SLIT2: variants seen among roughly 807,000 people sequenced by gnomAD.
The protein encoded by SLIT2 is slit guidance ligand 2, also known as slit homolog 2 protein.
SLIT2 carries 41 observed loss-of-function variants against 185.7 expected under a neutral mutation model. The ratio of observed to expected loss-of-function variants is 0.22; its 90% CI spans 0.17 to 0.29. The LOEUF (loss-of-function observed/expected upper bound fraction) is 0.29, where lower values mean the gene tolerates loss of function less well. Ranked by LOEUF, SLIT2 falls within the 10% of genes least tolerant of loss-of-function variation. SLIT2 has a pLI of 1.00. For missense variants in SLIT2, 1,571 were observed against 1,909.0 expected, an observed-to-expected ratio of 0.82 and a Z score of 3.30; for synonymous variants, 693 against 680.2, an observed-to-expected ratio of 1.02 and a Z score of -0.29.
intron 4 of SLIT2, among the ~76,000 whole-genome samples, chr4:20,415,206 C>T (rs1277698260): frequency 9.2e-5 from 14 of 151,942 alleles, no homozygotes. Flanking sequence ...GGTCAGGAGA[C>T]AGAGACCATC....
chr4:20,617,686 C>T (rs745627462), intron 36 of SLIT2, 36 bp downstream of exon 36: 3 of 1,283,126 alleles, frequency 2.3e-6, no homozygotes, highest in Non-Finnish European at 3.2e-6. Flanking sequence ...ATTCTCTTGG[C>T]AAAGCAAGAG....
intron 3 of SLIT2, among the ~76,000 whole-genome samples, chr4:20,259,094 C>G (rs532697290): frequency 6.6e-6 from 1 of 151,498 alleles, no homozygotes; most frequent in African/African-American, 2.4e-5. Context: ...TATTACAATA[C>G]AAGGACTATA....
chr4:20,556,482 C>A (rs1173845218), intron 26 of SLIT2, among the ~76,000 whole-genome samples: 1 of 151,948 alleles, frequency 6.6e-6, no homozygotes, highest in African/African-American at 2.4e-5. Context: ...TAACACAAAT[C>A]TGAAAAAAGT....
intron 4 of SLIT2, among the ~76,000 whole-genome samples, chr4:20,387,412 A>C (rs1577553205): frequency 1.3e-5 from 2 of 150,252 alleles, no homozygotes; most frequent in African/African-American, 2.4e-5. Context: ...TCAAAAAAAA[A>C]CAGTGAAAAG....
At chr4:20,615,202 G>A (rs537334521) in intron 34 of SLIT2, 2 of 152,162 alleles carry the variant, frequency 1.3e-5, no homozygotes, top group African/African-American at 4.8e-5. Flanking sequence ...CTTACCCCAG[G>A]GCAAGGAATT....
At chr4:20,439,021 G>A (rs1271925664) in intron 4 of SLIT2, among the ~76,000 whole-genome samples, 1 of 152,014 alleles carries the variant, frequency 6.6e-6, no homozygotes, top group East Asian at 1.9e-4. Flanking sequence ...TAGAATGTTA[G>A]CTCTGTAAGG....
At chr4:20,326,139 A>G (rs193198599) in intron 4 of SLIT2, among the ~76,000 whole-genome samples, 2 of 152,206 alleles carry the variant, frequency 1.3e-5, no homozygotes, top group African/African-American at 4.8e-5. Flanking sequence ...AGTGAACTGC[A>G]TATTCTGACA....
At chr4:20,530,616 A>AATTATAGTGGAAACTAGCCTCC (rs1721714193) in intron 16 of SLIT2, among the ~76,000 whole-genome samples, 1 of 152,178 alleles carries the variant, frequency 6.6e-6, no homozygotes, top group Non-Finnish European at 1.5e-5. Context: ...GTCATGGAGG[A>AATTATAGTGGAAACTAGCCTCC]ATTATAGTGG....
intron 30 of SLIT2, among the ~76,000 whole-genome samples, chr4:20,590,414 T>C (rs1483774501): frequency 6.6e-6 from 1 of 152,186 alleles, no homozygotes; most frequent in African/African-American, 2.4e-5. Context: ...AATTTGACTT[T>C]AATGTAATTG....
At chr4:20,417,448 A>ATATATATATATATATATATATATATG (rs1727779503) in intron 4 of SLIT2, among the ~76,000 whole-genome samples, 2 of 146,110 alleles carry the variant, frequency 1.4e-5, no homozygotes, top group Non-Finnish European at 3.0e-5. Flanking sequence ...ATATATATAT[A>ATATATATATATATATATATATATATG]TATATATATA....
At chr4:20,557,152 T>C (rs933924447) in intron 26 of SLIT2, among the ~76,000 whole-genome samples, 2 of 152,100 alleles carry the variant, frequency 1.3e-5, no homozygotes, top group African/African-American at 4.8e-5. Flanking sequence ...CAAGTACTGA[T>C]GTAGAAGCTA....
At chr4:20,349,672 G>A (rs1721709778) in intron 4 of SLIT2, among the ~76,000 whole-genome samples, 1 of 152,132 alleles carries the variant, frequency 6.6e-6, no homozygotes, top group Non-Finnish European at 1.5e-5. Context: ...TTGCTTTTGT[G>A]CACAGATTGA....
rs907727293 is a variant in SLIT2 at position 20,528,619 on chromosome 4, GA to G, written c.1463-322del. On this transcript the variant is annotated intron_variant, in intron 15 of 36. Coordinates refer to ENST00000504154, the MANE Select transcript of SLIT2 (RefSeq NM_004787.4). The surrounding 1 kb of genome is among the most constrained non-coding windows in gnomAD (Gnocchi z 4.2). ...ATATATTTTCAATTCTTGACTCCGA[GA>G]AAAAAAATAAACTTTTTAATAATTA... Among the ~76,000 whole-genome samples the G allele has an allele frequency of 6.6e-6, 1 of 151,658 alleles. No homozygotes were observed. The highest frequency in any genetic ancestry group is 1.5e-5 in the Non-Finnish European group (1 of 67,928).
At chr4:20,487,088 A>C (rs925924209) in intron 7 of SLIT2, among the ~76,000 whole-genome samples, 1 of 152,154 alleles carries the variant, frequency 6.6e-6, no homozygotes, top group Non-Finnish European at 1.5e-5. Flanking sequence ...ACTGGAAAAT[A>C]TTAATTTTAT....
intron 4 of SLIT2, among the ~76,000 whole-genome samples, chr4:20,396,200 A>G (rs771885914): frequency 7.2e-5 from 11 of 151,918 alleles, no homozygotes; most frequent in Non-Finnish European, 1.5e-4. Context: ...GTCTGCATAT[A>G]AATGTATGTG....
intron 4 of SLIT2, among the ~76,000 whole-genome samples, chr4:20,287,493 T>A (rs1156631614): frequency 6.6e-5 from 10 of 152,222 alleles, no homozygotes; most frequent in Non-Finnish European, 1.5e-4. Context: ...AGGAATGTTC[T>A]AACAGGGTTC....
At chr4:20,284,435 G>A (rs1262602196) in intron 4 of SLIT2, among the ~76,000 whole-genome samples, 1 of 152,206 alleles carries the variant, frequency 6.6e-6, no homozygotes, top group African/African-American at 2.4e-5. Flanking sequence ...CCACAGAGCA[G>A]TATTCACATG....
chr4:20,408,218 A>G (rs1177818410), intron 4 of SLIT2, among the ~76,000 whole-genome samples: 1 of 152,192 alleles, frequency 6.6e-6, no homozygotes, highest in Middle Eastern at 3.2e-3. Flanking sequence ...TATCCAGACC[A>G]TCAGACATCT....
intron 4 of SLIT2, among the ~76,000 whole-genome samples, chr4:20,323,818 A>T (rs1416210866): frequency 6.6e-6 from 1 of 152,130 alleles, no homozygotes; most frequent in African/African-American, 2.4e-5. Flanking sequence ...TTTGTTTCTG[A>T]TTTTTCCTCT....
Sources: gnomAD v4.1 joint callset for allele counts (sites outside exome capture counted in the v4.1 genomes callset) on GRCh38, gnomAD v4.1.1 for gene constraint, Gnocchi (gnomAD v3.1) non-coding constraint, MANE v1.5 for transcripts, NCBI Gene and HGNC (gene_info 2026-07-23, HGNC 2026-07-21) for gene names.